Variants in ARV1 observed in about 807,000 individuals in gnomAD.
ARV1 encodes the protein ARV1 fatty acid homeostasis modulator.
In ARV1, 26 loss-of-function variants were observed where a neutral mutation model predicts 31.1. The observed-to-expected ratio is 0.84, with a 90% confidence interval of 0.61 to 1.16. The LOEUF (loss-of-function observed/expected upper bound fraction) is 1.16. ARV1 is among the 50% of genes most tolerant of loss of function. ARV1 has a pLI of 0.00. For synonymous variants in ARV1, 117 were observed against 123.2 expected, an observed-to-expected ratio of 0.95 and a Z score of 0.34; for missense variants, 281 against 324.9, an observed-to-expected ratio of 0.86 and a Z score of 1.04.
chr1:230,998,418 C>T (rs1225189921), intron 5 of ARV1, among the ~76,000 whole-genome samples: 1 of 152,196 alleles, frequency 6.6e-6, no homozygotes, highest in Admixed American at 6.5e-5. Flanking sequence ...CCAGCTAATC[C>T]ACCTTTTTGG....
chr1:230,984,065 C>G (rs1678982437), intron 1 of ARV1, among the ~76,000 whole-genome samples: 1 of 152,104 alleles, frequency 6.6e-6, no homozygotes, highest in South Asian at 2.1e-4. Context: ...TGAGACCACC[C>G]CCTGTCCCCC....
At position 230,997,109 on chromosome 1, in the gene ARV1, TCTC is replaced by T; in HGVS notation, c.674-9_674-7del. The stretch of plus-strand genomic sequence containing the variant: ...TTAATTCTGAACTTATTGGCTGCCT[TCTC>T]CTTTCCAGTGACCCTAAACATCAAC... On this transcript the variant is annotated splice_polypyrimidine_tract_variant and intron_variant, in intron 4 of 5. Coordinates refer to ENST00000310256, the MANE Select transcript of ARV1 (RefSeq NM_022786.3). The T allele has an allele frequency of 6.2e-7, 1 of 1,612,510 alleles. No homozygotes were observed. The highest frequency in any genetic ancestry group is 8.5e-7 in the Non-Finnish European group (1 of 1,179,492).
intron 5 of ARV1, chr1:230,999,643 C>G (rs1679468323): frequency 6.6e-6 from 1 of 152,198 alleles, no homozygotes; most frequent in South Asian, 2.1e-4. Context: ...GCCCTTGTCT[C>G]CACCTAACCA....
intron 1 of ARV1, among the ~76,000 whole-genome samples, chr1:230,982,672 C>T (rs1351436362): frequency 1.3e-5 from 2 of 152,166 alleles, no homozygotes; most frequent in Non-Finnish European, 2.9e-5. Context: ...ATGGCCTTGT[C>T]GCTATCATGC....
At chr1:230,982,834 G>T (rs942432563) in intron 1 of ARV1, among the ~76,000 whole-genome samples, 4 of 152,134 alleles carry the variant, frequency 2.6e-5, no homozygotes, top group Non-Finnish European at 5.9e-5. Context: ...TTAAACATTA[G>T]ACCATGTGTT....
chr1:230,980,145 C>G (rs944150885), intron 1 of ARV1, among the ~76,000 whole-genome samples: 1 of 152,170 alleles, frequency 6.6e-6, no homozygotes, highest in African/African-American at 2.4e-5. Context: ...CATACAACCT[C>G]AATTTCCTGT....
rs536799860 is a variant in ARV1, at chr1:230,994,796, G to A, written c.449-964G>A. 5.9e-5 allele frequency among the ~76,000 whole-genome samples: 9 copies of A among 152,100 alleles called. No individual in the cohort carries two copies. The East Asian group carries it at 9.7e-4, about 16-fold the overall frequency. ...CCTGACCTTGTGATCCGCCTGCCTC[G>A]GCCTCCCAAAGTGCTGGGATTACAG... On this transcript the variant is annotated intron_variant, in intron 3 of 5. Transcript: ENST00000310256.
Position 230,997,155 on chromosome 1 carries a change from G to C in ARV1, c.708G>C (p.Leu236Phe). ...TLNINRKLSF[L>F]AVLSGLLLES... is the part of the protein sequence containing the mutation. ...ACATCAACCGTAAGCTCTCCTTCTT[G>C]GCCGTGTTGAGTGGCTTACTGCTGG... Residue 236 changes from leucine (L) to phenylalanine (F), a missense_variant, in exon 5 of 6, where the codon TTG becomes TTC. Transcript: ENST00000310256. 1 of 1,614,022 alleles carries C rather than the reference G, an allele frequency of 6.2e-7. No homozygotes were observed. The highest frequency in any genetic ancestry group is 8.5e-7 in the Non-Finnish European group (1 of 1,179,972).
chr1:231,000,082 T>G (rs1679482388), intron 5 of ARV1, 56 bp from the exon 6 acceptor site: 1 of 152,214 alleles, frequency 6.6e-6, no homozygotes, highest in Non-Finnish European at 1.5e-5. Context: ...CTAGTGTCTG[T>G]CAGTTTGATT....
rs79415493 is a variant in ARV1 at position 230,979,433 on chromosome 1, C to T, written c.174+154C>T. 247 of 859,384 alleles carry T rather than the reference C, an allele frequency of 2.9e-4. No individual in the cohort carries two copies. The East Asian group carries it at 7.2e-3, about 25-fold the overall frequency. The allele number at this position is 859,384 out of a possible 1,614,324, so 53.2% of individuals were successfully genotyped here. A position where few individuals can be genotyped will look rare whatever the true frequency, so the allele number is the denominator to read the frequency against. ...TGAATATCTGTACTGATAGAGAACT[C>T]AGCTACCCGACAGCGCTTTTCTCAT... On this transcript the variant is annotated intron_variant, in intron 1 of 5. Coordinates refer to ENST00000310256, the MANE Select transcript of ARV1 (RefSeq NM_022786.3).
intron 1 of ARV1, among the ~76,000 whole-genome samples, chr1:230,984,939 T>C (rs911569972): frequency 1.3e-5 from 2 of 152,300 alleles, no homozygotes; most frequent in African/African-American, 4.8e-5. Flanking sequence ...TTTGAAATGC[T>C]GATTATCTGT....
At chr1:230,984,343 C>CGTGTGTGTGTGTGTGT (rs374689782) in intron 1 of ARV1, among the ~76,000 whole-genome samples, 3 of 119,224 alleles carry the variant, frequency 2.5e-5, no homozygotes, top group Admixed American at 8.5e-5. Flanking sequence ...TTGTTTGTTT[C>CGTGTGTGTGTGTGTGT]GTGTGTGTGT....
intron 1 of ARV1, among the ~76,000 whole-genome samples, chr1:230,984,361 T>TGTGTGTGTGTGTGTGTGTGC (rs10628275): frequency 9.7e-6 from 1 of 103,338 alleles, no homozygotes; most frequent in African/African-American, 4.7e-5. Flanking sequence ...TGTGTGTGTG[T>TGTGTGTGTGTGTGTGTGTGC]GCGTGTGTGT....
Position 230,995,862 on chromosome 1 carries a change from T to C in ARV1, c.551T>C (p.Leu184Ser). The C allele has an allele frequency of 6.2e-7, 1 of 1,614,164 alleles. No individual in the cohort carries two copies. Among genetic ancestry groups the C allele is most frequent in the Non-Finnish European group, 8.5e-7 (1 of 1,180,024 alleles). ...PNFILLLKAL[L>S]LSSYGKLLLI... ...TTCATTTTGCTGCTGAAAGCATTAT[T>C]ATTATCTAGCTACGGAAAACTCTTG... The change falls in exon 4 of 6, where the codon TTA becomes TCA. Residue 184 changes from leucine to serine, a missense_variant. Coordinates refer to ENST00000310256, the MANE Select transcript of ARV1 (RefSeq NM_022786.3).
At chr1:230,987,096 T>C (rs1450003940) in intron 1 of ARV1, among the ~76,000 whole-genome samples, 1 of 152,090 alleles carries the variant, frequency 6.6e-6, no homozygotes, top group Admixed American at 6.5e-5. Context: ...TTTGGGGCTA[T>C]TATTAAGTCA....
chr1:230,984,767 G>T (rs1282599775), intron 1 of ARV1, among the ~76,000 whole-genome samples: 1 of 152,334 alleles, frequency 6.6e-6, no homozygotes, highest in South Asian at 2.1e-4. Context: ...GTTACAAGAA[G>T]AGCAACGGTA....
Position 230,995,719 on chromosome 1 carries a change from G to A in ARV1, c.449-41G>A, listed in dbSNP as rs753686597. 5.4e-6 allele frequency: 8 copies of A among 1,482,958 alleles called. No homozygotes were observed. In the Admixed American group the frequency reaches 1.5e-4, roughly 27 times the overall value. The allele number at this position is 1,482,958 out of a possible 1,614,324, so 91.9% of individuals were successfully genotyped here. A position where few individuals can be genotyped will look rare whatever the true frequency, so the allele number is the denominator to read the frequency against. ...TTTGTTTTTAAGGGGATATATTTTG[G>A]ATGGGGACATTCATACTTTTATTTT... is the stretch of plus-strand genomic sequence containing the variant. On this transcript the variant is annotated intron_variant, in intron 3 of 5. Transcript: ENST00000310256.
chr1:230,982,252 G>T (rs757315868), intron 1 of ARV1, among the ~76,000 whole-genome samples: 2 of 152,216 alleles, frequency 1.3e-5, no homozygotes, highest in Non-Finnish European at 2.9e-5. Flanking sequence ...AAGAGAACAA[G>T]ATCTTATATG....
rs114521116 is a variant in ARV1, at chr1:230,991,998, C to T, written c.448+1735C>T. Reference sequence around the variant, plus strand: ...CTGCCACACTGTTGCAGGCCACTCTCATCCTTCACCTGCATGACTACAGTA... The same window carrying T: ...CTGCCACACTGTTGCAGGCCACTCTTATCCTTCACCTGCATGACTACAGTA... On this transcript the variant is annotated intron_variant, in intron 3 of 5. Transcript: ENST00000310256. Among the ~76,000 whole-genome samples the T allele has an allele frequency of 3.7e-3, 559 of 152,308 alleles. 2 individuals are homozygous for T. Among genetic ancestry groups the T allele is most frequent in the Non-Finnish European group, 5.8e-3 (397 of 68,018 alleles).
Sources: gnomAD v4.1 joint callset for allele counts (sites outside exome capture counted in the v4.1 genomes callset) on GRCh38, gnomAD v4.1.1 for gene constraint, MANE v1.5 for transcripts, NCBI Gene and HGNC (gene_info 2026-07-23, HGNC 2026-07-21) for gene names.